BTBD8: variants seen among roughly 807,000 people sequenced by gnomAD.
The protein encoded by BTBD8 is BTB domain containing 8.
A neutral mutation model predicts 162.9 loss-of-function variants in BTBD8; 110 were observed. The ratio of observed to expected loss-of-function variants is 0.68; its 90% CI spans 0.58 to 0.79. The LOEUF (loss-of-function observed/expected upper bound fraction) is 0.79, where lower values mean the gene tolerates loss of function less well. BTBD8 is among the 30% of genes least tolerant of loss of function. BTBD8 has a pLI of 0.00. For synonymous variants in BTBD8, 667 were observed against 716.1 expected (o/e 0.93, Z 1.10); for missense variants, 1,905 against 2,085.4 (o/e 0.91, Z 1.68).
At chr1:92,117,541 T>TCC (rs1649076233) in intron 4 of BTBD8, among the ~76,000 whole-genome samples, 7 of 152,020 alleles carry the variant, frequency 4.6e-5, no homozygotes, top group Non-Finnish European at 2.9e-5. Context: ...GGAACTTGAA[T>TCC]ATCTGTCAGC....
chr1:92,164,392 T>C lies in BTBD8; in HGVS notation c.1123-2566T>C, dbSNP rs576665859. Among the ~76,000 whole-genome samples the C allele has an allele frequency of 9.9e-5, 15 of 151,958 alleles. No homozygotes were observed. The South Asian group carries it at 3.1e-3, about 32-fold the overall frequency. On this transcript the variant is annotated intron_variant, in intron 9 of 17. Coordinates refer to ENST00000636805, the MANE Select transcript of BTBD8 (RefSeq NM_001376131.1). Reference sequence around the variant, plus strand: ...CAGCATTTTGGGAGGCCAAGGCGGGTGGATCACTTGAAGCCAGGAGTTTCA... The same window carrying C: ...CAGCATTTTGGGAGGCCAAGGCGGGCGGATCACTTGAAGCCAGGAGTTTCA...
At position 92,144,810 on chromosome 1, in the gene BTBD8, TACACAC is replaced by T. The variant is rs10631515; in HGVS notation, c.931-2343_931-2338del. ...TGGGTGACAGAGCCAAAAAAAAAAC[TACACAC>T]ACACACACACACACACACACACACA... On this transcript the variant is annotated intron_variant, in intron 7 of 17. Transcript: ENST00000636805. 4.8e-4 allele frequency among the ~76,000 whole-genome samples: 68 copies of T among 140,802 alleles called. 2 individuals carry two copies. The South Asian group carries it at 0.011, about 24-fold the overall frequency. 92.4% of individuals were successfully genotyped at this position (140,802 alleles called of 152,430 possible).
chr1:92,176,847 G>T lies in BTBD8; in HGVS notation c.1654G>T (p.Asp552Tyr). 1 of 1,434,598 alleles carries T rather than the reference G, an allele frequency of 7.0e-7. No homozygotes were observed. The highest frequency in any genetic ancestry group is 1.6e-5 in the South Asian group (1 of 63,170). 88.9% of individuals were successfully genotyped at this position (1,434,598 alleles called of 1,614,324 possible). Residue 552 changes from aspartate (D) to tyrosine (Y), a missense_variant, in exon 14 of 18, where the codon GAC (aspartate) becomes TAC (tyrosine). By Grantham distance (160) the Asp-to-Tyr change is radical. This residue lies in a region of BTBD8 where 1,374 missense variants were observed against 1,442.7 expected (regional missense o/e 0.95). Transcript: ENST00000636805. ...SSSQQRKQVS[D>Y]SGDIKIKSWR... ...TTTATAGCAAAGGAAACAAGTTTCT[G>T]ACTCTGGTGATATAAAAATCAAATC...
intron 7 of BTBD8, among the ~76,000 whole-genome samples, chr1:92,143,515 T>G (rs888308384): frequency 6.6e-5 from 10 of 152,142 alleles, no homozygotes; most frequent in Non-Finnish European, 1.0e-4. Flanking sequence ...ACGTATGTAT[T>G]TATTTATTTA....
intron 4 of BTBD8, among the ~76,000 whole-genome samples, chr1:92,114,385 CTATATTGAAGTT>C (rs1453404982): frequency 6.6e-6 from 1 of 151,938 alleles, no homozygotes; most frequent in Non-Finnish European, 1.5e-5. Flanking sequence ...TTATCCAATT[CTATATTGAAGTT>C]TATTACAAAC....
chr1:92,148,930 G>A (rs1466652078), intron 9 of BTBD8, among the ~76,000 whole-genome samples: 4 of 152,146 alleles, frequency 2.6e-5, no homozygotes, highest in African/African-American at 9.7e-5. Flanking sequence ...GTACTCCCAG[G>A]CTCTATGAGT....
At chr1:92,170,618 T>C (rs1210098258) in intron 12 of BTBD8, among the ~76,000 whole-genome samples, 1 of 152,140 alleles carries the variant, frequency 6.6e-6, no homozygotes, top group Admixed American at 6.5e-5. Context: ...TATTAGCTGA[T>C]TTAATAAAAA....
At chr1:92,120,971 C>T (rs1288988100) in intron 4 of BTBD8, among the ~76,000 whole-genome samples, 1 of 152,142 alleles carries the variant, frequency 6.6e-6, no homozygotes, top group Non-Finnish European at 1.5e-5. Flanking sequence ...CCACATTGGC[C>T]AGGCTGGTCT....
chr1:92,184,329 A>C lies in BTBD8; in HGVS notation c.5378A>C (p.Ter1793SerextTer15). ...WTILELETQH[*>S] ...ATTCTGGAACTGGAAACTCAGCATT[A>C]AGTGTTAACATTTTGGAAAAATTTA... Residue 1793 changes from the stop codon to serine, a stop_lost, in exon 18 of 18, where the codon TAA (stop) becomes TCA (serine). Coordinates refer to ENST00000636805, the MANE Select transcript of BTBD8 (RefSeq NM_001376131.1). 1 of 1,533,246 alleles carries C rather than the reference A, an allele frequency of 6.5e-7. No individual in the cohort carries two copies. The highest frequency in any genetic ancestry group is 8.8e-7 in the Non-Finnish European group (1 of 1,138,356). The allele number at this position is 1,533,246 out of a possible 1,614,324, so 95.0% of individuals were successfully genotyped here. A position where few individuals can be genotyped will look rare whatever the true frequency, so the allele number is the denominator to read the frequency against.
intron 4 of BTBD8, among the ~76,000 whole-genome samples, chr1:92,118,423 A>G (rs916562858): frequency 6.6e-6 from 1 of 151,880 alleles, no homozygotes; most frequent in African/African-American, 2.4e-5. Flanking sequence ...GAAGACCACA[A>G]AGATAAAGGG....
At chr1:92,125,758 G>A in intron 4 of BTBD8, 1 of 439,488 alleles carries the variant, frequency 2.3e-6, no homozygotes, top group South Asian at 1.9e-5. Context: ...GATAATGAGA[G>A]AAGTGATATA....
intron 9 of BTBD8, among the ~76,000 whole-genome samples, chr1:92,152,819 CAG>C (rs1334095052): frequency 6.6e-6 from 1 of 152,028 alleles, no homozygotes; most frequent in Non-Finnish European, 1.5e-5. Context: ...TCTTTCAAGA[CAG>C]ATAAAAAGAT....
intron 2 of BTBD8, among the ~76,000 whole-genome samples, chr1:92,100,844 C>T (rs1262236803): frequency 9.2e-5 from 14 of 152,092 alleles, no homozygotes; most frequent in South Asian, 4.1e-4. Flanking sequence ...CTCCTGACCT[C>T]GTGATTCGTT....
chr1:92,108,877 G>C (rs961997188), intron 4 of BTBD8, among the ~76,000 whole-genome samples: 1 of 152,170 alleles, frequency 6.6e-6, no homozygotes, highest in Non-Finnish European at 1.5e-5. Context: ...AGTGGCAAGT[G>C]GTAATCTTCT....
chr1:92,099,079 G>A (rs2101900415), intron 2 of BTBD8, among the ~76,000 whole-genome samples: 1 of 152,268 alleles, frequency 6.6e-6, no homozygotes, highest in South Asian at 2.1e-4. Context: ...TATATGGTAT[G>A]AGGTTAGCGT....
intron 9 of BTBD8, among the ~76,000 whole-genome samples, chr1:92,154,267 T>C (rs1445314763): frequency 6.6e-6 from 1 of 152,182 alleles, no homozygotes; most frequent in African/African-American, 2.4e-5. Context: ...AGTAGTCCTT[T>C]CATAGCAGTG....
Position 92,107,883 on chromosome 1 carries a change from G to A in BTBD8, c.545-1G>A, listed in dbSNP as rs776017178. On this transcript the variant is annotated splice_acceptor_variant, in intron 3 of 17. Coordinates refer to ENST00000636805, the MANE Select transcript of BTBD8 (RefSeq NM_001376131.1). LOFTEE classifies it high-confidence loss of function. Reference sequence around the variant, plus strand: ...TTTAGTCTTGTTTTTCTTTTTTAAAGATAATTATGACTTGGAGCCTGCATC... The same window carrying A: ...TTTAGTCTTGTTTTTCTTTTTTAAAAATAATTATGACTTGGAGCCTGCATC... 2.2e-5 allele frequency: 36 copies of A among 1,600,464 alleles called. No homozygotes were observed. The highest frequency in any genetic ancestry group is 2.2e-4 in the East Asian group (10 of 44,758).
Position 92,147,240 on chromosome 1 carries a change from G to C in BTBD8, c.991G>C (p.Val331Leu), listed in dbSNP as rs1414828482. The change falls in exon 8 of 18, where the codon GTG (valine) becomes CTG (leucine). Residue 331 changes from valine (V) to leucine (L), a missense_variant. By Grantham distance (32) the Val-to-Leu change is conservative. This residue lies in a region of BTBD8 where 1,374 missense variants were observed against 1,442.7 expected (regional missense o/e 0.95). Transcript: ENST00000636805. ...ECLIIAHSVG[V>L]ESLFADCMKW... ...CCTGATTATTGCTCATTCAGTTGGAGTGGAAAGTCTTTTTGCTGACTGCAT... is the reference window on the plus strand; with the variant it reads ...CCTGATTATTGCTCATTCAGTTGGACTGGAAAGTCTTTTTGCTGACTGCAT... 1 of 1,611,972 alleles carries C rather than the reference G, an allele frequency of 6.2e-7. No individual in the cohort carries two copies. The highest frequency in any genetic ancestry group is 1.7e-5 in the Admixed American group (1 of 59,736).
At position 92,129,400 on chromosome 1, in the gene BTBD8, T is replaced by A. The variant is rs188095141; in HGVS notation, c.663-287T>A. On this transcript the variant is annotated intron_variant, in intron 4 of 17. Transcript: ENST00000636805. ...TTGGGAGGCTGAGGTGGGAGGATCA[T>A]ACGTGAGTCTAGGAGTTCAGGGCTG... 2.1e-3 allele frequency among the ~76,000 whole-genome samples: 314 copies of A among 152,014 alleles called. 3 individuals are homozygous for A. Among genetic ancestry groups the A allele is most frequent in the African/African-American group, 7.3e-3 (301 of 41,430 alleles).
Sources: allele counts gnomAD v4.1 joint callset (sites outside exome capture counted in the v4.1 genomes callset), GRCh38; gene constraint gnomAD v4.1.1; regional missense constraint gnomAD v4.1.1; transcripts MANE v1.5; gene names NCBI Gene and HGNC (gene_info 2026-07-23, HGNC 2026-07-21).